Variants in EYS observed in about 807,000 individuals in gnomAD.
EYS encodes the protein EGF-like photoreceptor maintenance factor, also known as protein eyes shut homolog.
A neutral mutation model predicts 282.1 loss-of-function variants in EYS; 250 were observed. The ratio of observed to expected loss-of-function variants is 0.89; its 90% CI spans 0.80 to 0.98. The LOEUF is 0.98. EYS is among the 50% of genes least tolerant of loss of function. The probability of loss-of-function intolerance (pLI) is 0.00; values close to 1 mark genes in which losing one functional copy is unlikely to be tolerated. For missense variants in EYS, 4,016 were observed against 3,709.0 expected (o/e 1.08, Z -2.15); for synonymous variants, 1,355 against 1,282.9 (o/e 1.06, Z -1.20).
intron 32 of EYS, among the ~76,000 whole-genome samples, chr6:64,074,361 A>G (rs1344037042): frequency 6.6e-6 from 1 of 151,242 alleles, no homozygotes; most frequent in Non-Finnish European, 1.5e-5. Flanking sequence ...AAATAATGAA[A>G]TAAATATCAC....
intron 2 of EYS, among the ~76,000 whole-genome samples, chr6:65,499,839 G>T (rs1163314945): frequency 1.3e-5 from 2 of 151,838 alleles, no homozygotes; most frequent in African/African-American, 4.8e-5. Context: ...TATTTTTTAA[G>T]GGAGTAGTGA....
chr6:65,000,548 G>A lies in EYS; in HGVS notation c.2138-2845C>T, dbSNP rs528551157. On this transcript the variant is annotated intron_variant, in intron 13 of 42. Transcript: ENST00000503581. ...GCACTTCGGGAGGCCGAGGCAGGTG[G>A]ATCATTGGAGGTCAGGAGTTCAAGA... Among the ~76,000 whole-genome samples the A allele has an allele frequency of 2.2e-3, 339 of 152,274 alleles. 3 individuals carry two copies. Among genetic ancestry groups the A allele is most frequent in the Non-Finnish European group, 3.5e-3 (240 of 68,020 alleles).
intron 2 of EYS, among the ~76,000 whole-genome samples, chr6:65,555,379 A>G (rs144008045): frequency 3.9e-5 from 6 of 152,226 alleles, no homozygotes; most frequent in African/African-American, 1.4e-4. Context: ...TTCTTCTCTT[A>G]TCTTTTACAA....
At chr6:65,320,416 A>G (rs1316734088) in intron 11 of EYS, among the ~76,000 whole-genome samples, 13 of 152,172 alleles carry the variant, frequency 8.5e-5, no homozygotes, top group Non-Finnish European at 1.9e-4. Flanking sequence ...ATCCAGACGG[A>G]TAATGGAGGA....
At chr6:64,243,493 G>A (rs1766906092) in intron 30 of EYS, among the ~76,000 whole-genome samples, 1 of 152,160 alleles carries the variant, frequency 6.6e-6, no homozygotes, top group South Asian at 2.1e-4. Flanking sequence ...CCCCTTGGGT[G>A]TCACACTCAA....
chr6:63,896,659 T>C (rs1773544392), intron 35 of EYS, among the ~76,000 whole-genome samples: 1 of 152,220 alleles, frequency 6.6e-6, no homozygotes, highest in African/African-American at 2.4e-5. Flanking sequence ...ATATGCACCA[T>C]TCATGCAGAA....
At chr6:65,527,621 A>C (rs1304552920) in intron 2 of EYS, among the ~76,000 whole-genome samples, 1 of 152,258 alleles carries the variant, frequency 6.6e-6, no homozygotes, top group Non-Finnish European at 1.5e-5. Flanking sequence ...CTTCTCATCC[A>C]AAATGATCTA....
chr6:64,122,321 A>G (rs114805867), intron 31 of EYS, among the ~76,000 whole-genome samples: 3 of 152,320 alleles, frequency 2.0e-5, no homozygotes, highest in South Asian at 2.1e-4. Flanking sequence ...CCCTGGAAGA[A>G]TACTGCCTTT....
At chr6:64,106,179 T>C (rs897395168) in intron 31 of EYS, among the ~76,000 whole-genome samples, 1 of 152,176 alleles carries the variant, frequency 6.6e-6, no homozygotes, top group Non-Finnish European at 1.5e-5. Context: ...GAGTATTTTA[T>C]GTGATTTCAT....
chr6:65,099,654 A>G (rs2150182569), intron 12 of EYS, among the ~76,000 whole-genome samples: 1 of 150,828 alleles, frequency 6.6e-6, no homozygotes, highest in Non-Finnish European at 1.5e-5. Flanking sequence ...AATGGGAAAT[A>G]CTCATATTAA....
chr6:65,383,388 C>A (rs923478254), intron 8 of EYS, among the ~76,000 whole-genome samples: 1 of 151,726 alleles, frequency 6.6e-6, no homozygotes, highest in Non-Finnish European at 1.5e-5. Flanking sequence ...TGCCATATTA[C>A]AGAAGCACTA....
chr6:65,393,066 G>T (rs1386742771), intron 7 of EYS, among the ~76,000 whole-genome samples: 1 of 151,478 alleles, frequency 6.6e-6, no homozygotes, highest in Non-Finnish European at 1.5e-5. Context: ...GTAAACTATG[G>T]CAAGAACAAA....
intron 30 of EYS, among the ~76,000 whole-genome samples, chr6:64,238,634 C>G (rs565996058): frequency 6.6e-6 from 1 of 152,244 alleles, no homozygotes; most frequent in Admixed American, 6.5e-5. Context: ...CAAGTGAGAA[C>G]ATGCAAAAAT....
intron 26 of EYS, among the ~76,000 whole-genome samples, chr6:64,538,053 G>A (rs887076538): frequency 6.8e-6 from 1 of 147,536 alleles, no homozygotes; most frequent in Non-Finnish European, 1.5e-5. Flanking sequence ...GCTACTAAGT[G>A]TATAGCTAGG....
chr6:64,480,935 T>C (rs1226654974), intron 26 of EYS, among the ~76,000 whole-genome samples: 1 of 151,424 alleles, frequency 6.6e-6, no homozygotes, highest in East Asian at 1.9e-4. Context: ...TTTCCAAGAC[T>C]TTTTTTTCAG....
At chr6:64,900,121 G>A (rs559300062) in intron 18 of EYS, among the ~76,000 whole-genome samples, 1 of 152,222 alleles carries the variant, frequency 6.6e-6, no homozygotes, top group African/African-American at 2.4e-5. Context: ...ACAAAAACAA[G>A]CAATGGGGAA....
At chr6:64,424,159 A>G (rs1201055354) in intron 28 of EYS, among the ~76,000 whole-genome samples, 1 of 152,224 alleles carries the variant, frequency 6.6e-6, no homozygotes, top group Non-Finnish European at 1.5e-5. Context: ...GATTTTATCT[A>G]TTTAAAATAA....
At chr6:65,059,231 A>G (rs894484728) in intron 12 of EYS, among the ~76,000 whole-genome samples, 3 of 152,144 alleles carry the variant, frequency 2.0e-5, no homozygotes, top group African/African-American at 7.2e-5. Context: ...TTAACCAGAA[A>G]AAAAGTTAAA....
intron 5 of EYS, among the ~76,000 whole-genome samples, chr6:65,406,665 T>C (rs1291937895): frequency 2.0e-5 from 3 of 152,124 alleles, no homozygotes; most frequent in Non-Finnish European, 4.4e-5. Context: ...TTTTTTCTTT[T>C]AAGACTGTCC....
Sources: gnomAD v4.1 joint callset for allele counts (sites outside exome capture counted in the v4.1 genomes callset) on GRCh38, gnomAD v4.1.1 for gene constraint, MANE v1.5 for transcripts, NCBI Gene and HGNC (gene_info 2026-07-23, HGNC 2026-07-21) for gene names.